DAB1: variants seen among roughly 807,000 people sequenced by gnomAD.
DAB1 encodes DAB adaptor protein 1, also known as disabled homolog 1.
A neutral mutation model predicts 64.6 loss-of-function variants in DAB1; 15 were observed. The observed-to-expected ratio is 0.23, with a 90% CI of 0.16 to 0.36. The LOEUF (loss-of-function observed/expected upper bound fraction) is 0.36, where lower values mean the gene tolerates loss of function less well. Ranked by LOEUF, DAB1 falls within the 10% of genes least tolerant of loss-of-function variation. The pLI is 1.00. For synonymous variants in DAB1, 235 were observed against 251.9 expected, an observed-to-expected ratio of 0.93 and a Z score of 0.64; for missense variants, 596 against 706.7, an observed-to-expected ratio of 0.84 and a Z score of 1.78.
intron 1 of DAB1, among the ~76,000 whole-genome samples, chr1:57,396,945 T>C (rs1682858112): frequency 6.6e-6 from 1 of 152,174 alleles, no homozygotes; most frequent in South Asian, 2.1e-4. Context: ...ATAATGTAAA[T>C]AAACATGTTT....
At chr1:58,191,356 A>T (rs960119402) in intron 4 of DAB1, among the ~76,000 whole-genome samples, 2 of 152,200 alleles carry the variant, frequency 1.3e-5, no homozygotes, top group African/African-American at 4.8e-5. Context: ...GTACATCTCT[A>T]GTTGCAAACT....
At chr1:57,011,849 A>T (rs1462940521) in intron 12 of DAB1, among the ~76,000 whole-genome samples, 2 of 152,218 alleles carry the variant, frequency 1.3e-5, no homozygotes, top group African/African-American at 4.8e-5. Context: ...GCTCATGGCA[A>T]CTGGTAGAAC....
At chr1:57,153,751 C>T (rs541537293) in intron 2 of DAB1, among the ~76,000 whole-genome samples, 2 of 152,224 alleles carry the variant, frequency 1.3e-5, no homozygotes, top group South Asian at 4.2e-4. Flanking sequence ...CATTCTCTTG[C>T]CTCAGCCTCC....
At chr1:57,010,375 C>T (rs1439871049) in intron 14 of DAB1, among the ~76,000 whole-genome samples, 2 of 152,172 alleles carry the variant, frequency 1.3e-5, no homozygotes, top group Non-Finnish European at 1.5e-5. Context: ...TCCCACTTCT[C>T]ACCCCTACCC....
chr1:57,440,095 T>C (rs1355591074), intron 7 of DAB1, among the ~76,000 whole-genome samples: 3 of 152,224 alleles, frequency 2.0e-5, no homozygotes, highest in Non-Finnish European at 4.4e-5. Flanking sequence ...GGCTTTTTCT[T>C]GCCTATTCTC....
At chr1:57,926,892 A>G (rs1240732078) in intron 5 of DAB1, among the ~76,000 whole-genome samples, 1 of 152,186 alleles carries the variant, frequency 6.6e-6, no homozygotes, top group African/African-American at 2.4e-5. Flanking sequence ...ACAGTCAATT[A>G]CCTTTGATAA....
At chr1:57,004,287 C>T (rs551003345) in intron 14 of DAB1, among the ~76,000 whole-genome samples, 4 of 152,180 alleles carry the variant, frequency 2.6e-5, no homozygotes, top group East Asian at 1.9e-4. Context: ...TATAACAAGA[C>T]GCTCTTGGAA....
chr1:58,482,711 A>C (rs1312452274), intron 3 of DAB1, among the ~76,000 whole-genome samples: 1 of 152,146 alleles, frequency 6.6e-6, no homozygotes, highest in Non-Finnish European at 1.5e-5. Flanking sequence ...CCTGAAGGAC[A>C]TGAGGAAAGA....
chr1:57,459,979 A>T lies in DAB1; in HGVS notation n.626-168813T>A, dbSNP rs541405334. Among the ~76,000 whole-genome samples, 5 of 152,290 alleles carry T rather than the reference A, an allele frequency of 3.3e-5. No individual in the cohort carries two copies. The South Asian group carries it at 1.0e-3, about 32-fold the overall frequency. On this transcript the variant is annotated intron_variant and non_coding_transcript_variant, in intron 7 of 20. Transcript: ENST00000485760. The stretch of plus-strand genomic sequence containing the variant: ...TTCTAATCTGTAAGACAGGGATCCT[A>T]ACACTATACCCACCTTACAGTGGTG...
intron 4 of DAB1, 78 bp downstream of exon 4, chr1:57,136,465 G>A (rs888735723): frequency 2.7e-6 from 2 of 743,028 alleles, no homozygotes; most frequent in Non-Finnish European, 4.2e-6. Flanking sequence ...GTATATTCCT[G>A]CCCAGAGAGT....
chr1:57,408,211 C>A (rs1273742215), intron 1 of DAB1, among the ~76,000 whole-genome samples: 2 of 152,204 alleles, frequency 1.3e-5, no homozygotes, highest in Non-Finnish European at 2.9e-5. Flanking sequence ...CTCCCTACTT[C>A]ATGTTGAAAT....
intron 4 of DAB1, among the ~76,000 whole-genome samples, chr1:58,190,463 A>G (rs932133900): frequency 2.6e-5 from 4 of 152,152 alleles, no homozygotes; most frequent in South Asian, 2.1e-4. Context: ...GTTTCATGCT[A>G]GCAGTCTGTC....
At chr1:57,683,319 T>C (rs865861670) in intron 6 of DAB1, among the ~76,000 whole-genome samples, 3 of 152,092 alleles carry the variant, frequency 2.0e-5, no homozygotes, top group South Asian at 2.1e-4. Flanking sequence ...AAAAGAAACA[T>C]GAGTGCAGTG....
chr1:58,013,724 A>T (rs1026068202), intron 5 of DAB1, among the ~76,000 whole-genome samples: 2 of 152,196 alleles, frequency 1.3e-5, no homozygotes, highest in Non-Finnish European at 2.9e-5. Context: ...TTGCTGGAGC[A>T]GACTCACACC....
intron 2 of DAB1, among the ~76,000 whole-genome samples, chr1:57,276,227 C>A (rs1671450048): frequency 6.6e-6 from 1 of 152,202 alleles, no homozygotes; most frequent in South Asian, 2.1e-4. Context: ...TCTCACTCAT[C>A]GCCAGGACAT....
At chr1:58,527,277 A>G (rs1180991514) in exon 2 of DAB1, 1 of 872,358 alleles carries the variant, frequency 1.1e-6, no homozygotes, top group Non-Finnish European at 2.0e-6. Context: ...AGCAAGCAGT[A>G]GTCCAATTTT....
At chr1:57,472,831 C>T (rs1020337819) in intron 7 of DAB1, among the ~76,000 whole-genome samples, 6 of 152,168 alleles carry the variant, frequency 3.9e-5, no homozygotes, top group African/African-American at 1.2e-4. Context: ...CAATACTCTA[C>T]TCTTATCATT....
intron 5 of DAB1, among the ~76,000 whole-genome samples, chr1:58,021,214 C>T (rs1027775143): frequency 5.1e-4 from 77 of 152,290 alleles, no homozygotes; most frequent in African/African-American, 1.8e-3. Context: ...ACTGGAAGTC[C>T]CTCCAGGCCT....
chr1:57,833,138 C>T (rs191846228), intron 1 of DAB1, among the ~76,000 whole-genome samples: 72 of 151,400 alleles, frequency 4.8e-4, no homozygotes, highest in African/African-American at 1.7e-3. Context: ...TACAAATTTG[C>T]TCCCAATGTG....
Sources: gnomAD v4.1 joint callset for allele counts (sites outside exome capture counted in the v4.1 genomes callset) on GRCh38, gnomAD v4.1.1 for gene constraint, MANE v1.5 for transcripts, NCBI Gene and HGNC (gene_info 2026-07-23, HGNC 2026-07-21) for gene names.